INVS: variants seen among roughly 807,000 people sequenced by gnomAD.
INVS encodes inversin, also known as inversion of embryo turning homolog.
Under a neutral mutation model 108.8 loss-of-function variants are expected in INVS, and 86 were observed. The observed-to-expected ratio is 0.79, with a 90% CI of 0.66 to 0.95. The LOEUF is 0.95. Among genes scored for constraint, INVS ranks in the 40% least tolerant of loss-of-function variants. The probability of loss-of-function intolerance (pLI) is 0.00; values close to 1 mark genes in which losing one functional copy is unlikely to be tolerated. For synonymous variants in INVS, 455 were observed against 473.5 expected (o/e 0.96, Z 0.51); for missense variants, 1,169 against 1,297.4 (o/e 0.90, Z 1.52).
At chr9:100,104,251 TAGAC>T (rs1827099799) in intron 1 of INVS, among the ~76,000 whole-genome samples, 2 of 151,914 alleles carry the variant, frequency 1.3e-5, no homozygotes, top group South Asian at 4.2e-4. Flanking sequence ...CTCACTAAGA[TAGAC>T]AGCCTCACTA....
intron 3 of INVS, among the ~76,000 whole-genome samples, chr9:100,165,942 C>G (rs1422476708): frequency 1.3e-5 from 2 of 152,116 alleles, no homozygotes; most frequent in Non-Finnish European, 2.9e-5. Context: ...GTGCTCACTG[C>G]TACCAGGTTG....
chr9:100,218,970 G>A (rs1440917491), intron 3 of INVS, among the ~76,000 whole-genome samples: 2 of 151,994 alleles, frequency 1.3e-5, no homozygotes, highest in African/African-American at 2.4e-5. Flanking sequence ...GGAAAACAAA[G>A]CAAACAAATG....
At chr9:100,249,292 A>G (rs1588120908) in intron 8 of INVS, among the ~76,000 whole-genome samples, 1 of 152,276 alleles carries the variant, frequency 6.6e-6, no homozygotes, top group Non-Finnish European at 1.5e-5. Flanking sequence ...ATGGTTTGGA[A>G]AACCCTGGGC....
At chr9:100,295,149 C>T (rs1833751951) in intron 14 of INVS, among the ~76,000 whole-genome samples, 1 of 152,164 alleles carries the variant, frequency 6.6e-6, no homozygotes, top group Non-Finnish European at 1.5e-5. Flanking sequence ...CCACGCCAGA[C>T]CCCACAGCTG....
At position 100,152,834 on chromosome 9, in the gene INVS, G is replaced by C. The variant is rs530583236; in HGVS notation, c.273+26285G>C. ...ACAATTACAGATTTCAGAAGATATGGTTTGGGTCCTTTTATTCAAGTCTTT... is the reference window on the plus strand; with the variant it reads ...ACAATTACAGATTTCAGAAGATATGCTTTGGGTCCTTTTATTCAAGTCTTT... On this transcript the variant is annotated intron_variant, in intron 3 of 16. Coordinates refer to ENST00000262457, the MANE Select transcript of INVS (RefSeq NM_014425.5). 3.3e-5 allele frequency among the ~76,000 whole-genome samples: 5 copies of C among 152,252 alleles called. No homozygotes were observed. In the East Asian group the frequency reaches 9.6e-4, roughly 29 times the overall value.
chr9:100,168,222 A>T lies in INVS; in HGVS notation c.273+41673A>T, dbSNP rs541307360. 4.6e-5 allele frequency among the ~76,000 whole-genome samples: 7 copies of T among 152,188 alleles called. No homozygotes were observed. The South Asian group carries it at 1.5e-3, about 32-fold the overall frequency. On this transcript the variant is annotated intron_variant, in intron 3 of 16. Transcript: ENST00000262457. ...ATTTTTATCCCTTGGTGATACTTCAATTGGCTTATCTTTGCTGGTCAAATG... is the reference window on the plus strand; with the variant it reads ...ATTTTTATCCCTTGGTGATACTTCATTTGGCTTATCTTTGCTGGTCAAATG...
intron 3 of INVS, among the ~76,000 whole-genome samples, chr9:100,139,403 T>G (rs567312344): frequency 6.6e-6 from 1 of 152,210 alleles, no homozygotes; most frequent in Non-Finnish European, 1.5e-5. Context: ...TTCAGAGGTC[T>G]CATCTACTTC....
intron 3 of INVS, among the ~76,000 whole-genome samples, chr9:100,132,409 C>A (rs1363587444): frequency 6.6e-6 from 1 of 152,152 alleles, no homozygotes; most frequent in East Asian, 1.9e-4. Flanking sequence ...TTAAGATTTT[C>A]TGTGAGCTTA....
intron 11 of INVS, among the ~76,000 whole-genome samples, chr9:100,270,232 C>A (rs1172857379): frequency 6.6e-6 from 1 of 152,030 alleles, no homozygotes; most frequent in Admixed American, 6.5e-5. Flanking sequence ...GTGGTTAATT[C>A]TCAGGGTGGG....
chr9:100,295,265 T>G (rs1251987980), intron 14 of INVS, among the ~76,000 whole-genome samples: 1 of 152,098 alleles, frequency 6.6e-6, no homozygotes, highest in African/African-American at 2.4e-5. Flanking sequence ...GAGCCTTCAG[T>G]CATTCCCCCA....
chr9:100,153,447 A>G (rs533064969), intron 3 of INVS, among the ~76,000 whole-genome samples: 4 of 152,304 alleles, frequency 2.6e-5, no homozygotes, highest in South Asian at 2.1e-4. Flanking sequence ...TATGCTCAAT[A>G]TTGTTCGTCA....
chr9:100,153,005 TTGTG>T lies in INVS; in HGVS notation c.273+26480_273+26483del, dbSNP rs60860854. ...CAGTGTTGTACAGATTGTTAACTAA[TTGTG>T]TGTGTGTGTGTGTGTGTGTGTGTAC... is the stretch of plus-strand genomic sequence containing the variant. On this transcript the variant is annotated intron_variant, in intron 3 of 16. Coordinates refer to ENST00000262457, the MANE Select transcript of INVS (RefSeq NM_014425.5). Among the ~76,000 whole-genome samples, 663 of 149,202 alleles carry T rather than the reference TTGTG, an allele frequency of 4.4e-3. 4 individuals are homozygous for T. Among genetic ancestry groups the T allele is most frequent in the Middle Eastern group, 0.017 (5 of 286 alleles).
intron 3 of INVS, among the ~76,000 whole-genome samples, chr9:100,222,325 C>T (rs551247634): frequency 6.6e-6 from 1 of 152,092 alleles, no homozygotes; most frequent in South Asian, 2.1e-4. Flanking sequence ...CCATTATTAC[C>T]CCTGTTTTAT....
chr9:100,180,633 A>G (rs141947726), intron 3 of INVS, among the ~76,000 whole-genome samples: 113 of 152,330 alleles, frequency 7.4e-4, no homozygotes, highest in Non-Finnish European at 1.3e-3. Context: ...TGAGGCAGTA[A>G]TTAATAGCCT....
At chr9:100,150,543 T>C (rs889387051) in intron 3 of INVS, among the ~76,000 whole-genome samples, 1 of 152,194 alleles carries the variant, frequency 6.6e-6, no homozygotes, top group African/African-American at 2.4e-5. Context: ...GGACTTCAAA[T>C]CCATTTACTT....
In INVS at chr9:100,199,286, CAACAT is replaced by C. The variant is rs376823407; in HGVS notation, c.274-26773_274-26769del. Among the ~76,000 whole-genome samples the C allele has an allele frequency of 2.1e-3, 316 of 152,238 alleles. 1 individual carries two copies. The highest frequency in any genetic ancestry group is 7.3e-3 in the African/African-American group (302 of 41,548). ...ATATTTAAAGTGTATCTCTTGTAGA[CAACAT>C]AAGCATCTCTTATAGACTTTCTTTT... On this transcript the variant is annotated intron_variant, in intron 3 of 16. Transcript: ENST00000262457.
intron 3 of INVS, among the ~76,000 whole-genome samples, chr9:100,132,659 T>G (rs967350521): frequency 2.8e-4 from 42 of 152,338 alleles, no homozygotes; most frequent in African/African-American, 1.0e-3. Context: ...GAAAGGCTCT[T>G]TGGGATCTTC....
At chr9:100,190,948 C>G (rs1342404241) in intron 3 of INVS, among the ~76,000 whole-genome samples, 2 of 151,906 alleles carry the variant, frequency 1.3e-5, no homozygotes, top group African/African-American at 4.8e-5. Context: ...GCAGCCTTGA[C>G]CTCCTGGGCT....
At chr9:100,247,538 C>T (rs1832082899) in intron 8 of INVS, among the ~76,000 whole-genome samples, 1 of 151,990 alleles carries the variant, frequency 6.6e-6, no homozygotes, top group Non-Finnish European at 1.5e-5. Context: ...TGGGCTTCTC[C>T]ATGTTATTTT....
Sources: allele counts gnomAD v4.1 joint callset (sites outside exome capture counted in the v4.1 genomes callset), GRCh38; gene constraint gnomAD v4.1.1; transcripts MANE v1.5; gene names NCBI Gene and HGNC (gene_info 2026-07-23, HGNC 2026-07-21).